Variants in CAPRIN2 observed in about 807,000 individuals in gnomAD.
CAPRIN2 encodes caprin family member 2.
CAPRIN2 carries 66 observed loss-of-function variants against 130.4 expected under a neutral mutation model. That is an observed-to-expected ratio of 0.51 (90% CI 0.42 to 0.62). The LOEUF is 0.62. Among genes scored for constraint, CAPRIN2 ranks in the 20% least tolerant of loss-of-function variants. The pLI is 0.00. For synonymous variants in CAPRIN2, 471 were observed against 444.1 expected, an observed-to-expected ratio of 1.06 and a Z score of -0.76; for missense variants, 1,185 against 1,246.6, an observed-to-expected ratio of 0.95 and a Z score of 0.74.
intron 4 of CAPRIN2, 67 bp downstream of exon 5, chr12:30,734,901 T>TAC (rs1379451162): frequency 6.6e-6 from 6 of 912,480 alleles, no homozygotes; most frequent in Non-Finnish European, 1.1e-5. Context: ...CTCTCTCACA[T>TAC]ACACACACCC....
At position 30,732,397 on chromosome 12, in the gene CAPRIN2, A is replaced by T. The variant is rs1372304394; in HGVS notation, c.893-887T>A. 8.2e-5 allele frequency among the ~76,000 whole-genome samples: 12 copies of T among 145,798 alleles called. No individual in the cohort carries two copies. The East Asian group carries it at 2.0e-3, about 24-fold the overall frequency. ...AGTACTATGACAGATTTTGTCTTTT[A>T]AAAAAAAAATCAGCTTTCAGATATA... is the stretch of plus-strand genomic sequence containing the variant. On this transcript the variant is annotated intron_variant, in intron 5 of 16. Coordinates refer to ENST00000298892, the Ensembl canonical transcript of CAPRIN2.
At chr12:30,735,022 T>C in exon 4 of CAPRIN2, 1 of 1,614,170 alleles carries the variant, frequency 6.2e-7, no homozygotes, top group Non-Finnish European at 8.5e-7. Context: ...AATGAGGTAG[T>C]CAAGTTCTTT....
Position 30,742,525 on chromosome 12 carries a change from ATCT to A in CAPRIN2, c.484-1422_484-1420del, listed in dbSNP as rs1450618434. Among the ~76,000 whole-genome samples the A allele has an allele frequency of 7.2e-5, 11 of 152,298 alleles. No homozygotes were observed. In the East Asian group the frequency reaches 7.7e-4, roughly 11 times the overall value. On this transcript the variant is annotated intron_variant, in intron 2 of 16. Transcript: ENST00000298892. ...AAAAACCCCAAAACTTCAAGCATCC[ATCT>A]ATTCAGACACTAAAACTAAGTAGAG...
At chr12:30,721,091 G>A (rs1017126741) in intron 11 of CAPRIN2, among the ~76,000 whole-genome samples, 176 bp from the exon 13 acceptor site, 10 of 152,178 alleles carry the variant, frequency 6.6e-5, no homozygotes, top group African/African-American at 2.4e-4. Flanking sequence ...TGTGAGGTAG[G>A]TACTATTCTC....
intron 2 of CAPRIN2, among the ~76,000 whole-genome samples, chr12:30,744,309 ATTTT>A (rs978251354): frequency 6.6e-6 from 1 of 152,126 alleles, no homozygotes; most frequent in African/African-American, 2.4e-5. Flanking sequence ...TTGCAAAGTG[ATTTT>A]TTTAACTAAA....
intron 4 of CAPRIN2, among the ~76,000 whole-genome samples, chr12:30,734,624 A>G (rs1319634570): frequency 6.6e-6 from 1 of 152,154 alleles, no homozygotes; most frequent in Admixed American, 6.5e-5. Flanking sequence ...AATTACTTTA[A>G]AAGTTTTAGA....
At chr12:30,721,020 T>A (rs969477700) in intron 11 of CAPRIN2, 105 bp from the exon 13 acceptor site, 2 of 743,952 alleles carry the variant, frequency 2.7e-6, no homozygotes, top group Non-Finnish European at 4.8e-6. Flanking sequence ...AACACGCACA[T>A]GTGTCAAGCA....
exon 3 of CAPRIN2, chr12:30,741,078 A>G: frequency 6.2e-7 from 1 of 1,610,606 alleles, no homozygotes; most frequent in Non-Finnish European, 8.5e-7. Context: ...CAAATTATGT[A>G]GCACTTCTTC....
chr12:30,737,599 T>C (rs927424696), intron 3 of CAPRIN2, among the ~76,000 whole-genome samples: 3 of 34,254 alleles, frequency 8.8e-5, no homozygotes, highest in Admixed American at 1.8e-4. Flanking sequence ...ACTGGTTTTC[T>C]TTTTTTTTTT....
intron 3 of CAPRIN2, among the ~76,000 whole-genome samples, chr12:30,737,260 C>T (rs1338933235): frequency 6.6e-6 from 1 of 152,022 alleles, no homozygotes; most frequent in Non-Finnish European, 1.5e-5. Context: ...TCCCAAAGGG[C>T]TAGGGTTACA....
At chr12:30,717,365 T>C (rs2057960468) in intron 12 of CAPRIN2, among the ~76,000 whole-genome samples, 2 of 152,128 alleles carry the variant, frequency 1.3e-5, no homozygotes. Flanking sequence ...TAATATGAGG[T>C]AGAATAGGTA....
At chr12:30,744,420 C>T (rs2068924342) in intron 2 of CAPRIN2, among the ~76,000 whole-genome samples, 1 of 152,154 alleles carries the variant, frequency 6.6e-6, no homozygotes, top group Admixed American at 6.6e-5. Context: ...CTACCCCCTC[C>T]AGCTTCATCA....
exon 17 of CAPRIN2, chr12:30,709,891 T>C: frequency 1.3e-6 from 2 of 1,595,934 alleles, no homozygotes; most frequent in Non-Finnish European, 1.7e-6. Flanking sequence ...TTGTCAATAC[T>C]GTACTGACTT....
exon 1 of CAPRIN2, chr12:30,753,958 C>A: frequency 1.7e-6 from 1 of 577,762 alleles, no homozygotes; most frequent in Non-Finnish European, 3.0e-6. Flanking sequence ...GTGATGACAC[C>A]AAAAGAATAA....
intron 3 of CAPRIN2, among the ~76,000 whole-genome samples, chr12:30,740,080 G>C (rs1026411394): frequency 6.6e-6 from 1 of 152,020 alleles, no homozygotes; most frequent in Non-Finnish European, 1.5e-5. Flanking sequence ...CTTTATTCCA[G>C]AGGAATGGAG....
At chr12:30,740,956 T>G in intron 3 of CAPRIN2, 64 bp downstream of exon 4, 1 of 947,936 alleles carries the variant, frequency 1.1e-6, no homozygotes, top group Non-Finnish European at 1.7e-6. Context: ...ACTGACACAC[T>G]GACATTTTCT....
exon 8 of CAPRIN2, chr12:30,729,230 G>A: frequency 6.2e-7 from 1 of 1,613,184 alleles, no homozygotes; most frequent in Non-Finnish European, 8.5e-7. Flanking sequence ...AACGTTTTGG[G>A]AGATTTGGTT....
At chr12:30,735,026 G>A in exon 4 of CAPRIN2, 3 of 1,614,086 alleles carry the variant, frequency 1.9e-6, no homozygotes, top group Non-Finnish European at 2.5e-6. Flanking sequence ...AGGTAGTCAA[G>A]TTCTTTTGAA....
chr12:30,719,474 C>A, intron 12 of CAPRIN2: 1 of 424,778 alleles, frequency 2.4e-6, no homozygotes, highest in East Asian at 3.7e-5. Flanking sequence ...AGATGAGGGG[C>A]TGAACTTTTT....
Sources: allele counts gnomAD v4.1 joint callset (sites outside exome capture counted in the v4.1 genomes callset), GRCh38; gene constraint gnomAD v4.1.1; transcripts MANE v1.5; gene names NCBI Gene and HGNC (gene_info 2026-07-23, HGNC 2026-07-21).